Variants in HDAC9 observed in about 807,000 individuals in gnomAD.
HDAC9 encodes histone deacetylase 9.
Under a neutral mutation model 139.4 loss-of-function variants are expected in HDAC9, and 41 were observed. That is an observed-to-expected ratio of 0.29 (90% CI 0.23 to 0.38). The LOEUF (loss-of-function observed/expected upper bound fraction) is 0.38, where lower values mean the gene tolerates loss of function less well. Among genes scored for constraint, HDAC9 ranks in the 10% least tolerant of loss-of-function variants. The pLI is 1.00. For synonymous variants in HDAC9, 517 were observed against 476.2 expected, an observed-to-expected ratio of 1.09 and a Z score of -1.12; for missense variants, 1,147 against 1,297.0, an observed-to-expected ratio of 0.88 and a Z score of 1.78.
chr7:18,183,768 G>A (rs1251943969), intron 2 of HDAC9, among the ~76,000 whole-genome samples: 1 of 152,038 alleles, frequency 6.6e-6, no homozygotes, highest in Non-Finnish European at 1.5e-5. Flanking sequence ...TACAGACATG[G>A]GCCATCACAC....
At chr7:18,644,378 T>C (rs527858403) in intron 8 of HDAC9, among the ~76,000 whole-genome samples, 49 of 152,250 alleles carry the variant, frequency 3.2e-4, no homozygotes, top group African/African-American at 1.2e-3. Context: ...ATTTTATCAT[T>C]GTACTTTATC....
chr7:18,647,104 A>G (rs1787657398), intron 9 of HDAC9, among the ~76,000 whole-genome samples: 1 of 152,146 alleles, frequency 6.6e-6, no homozygotes, highest in Non-Finnish European at 1.5e-5. Context: ...TTTTGCTTGC[A>G]ACTCCAAAAT....
intron 2 of HDAC9, among the ~76,000 whole-genome samples, chr7:18,550,406 C>A (rs1330506484): frequency 6.6e-6 from 1 of 152,094 alleles, no homozygotes; most frequent in Non-Finnish European, 1.5e-5. Context: ...TAGTATGTGG[C>A]AGGTGTTAGT....
chr7:18,972,681 T>G (rs1470674141), intron 24 of HDAC9, among the ~76,000 whole-genome samples: 1 of 152,200 alleles, frequency 6.6e-6, no homozygotes, highest in East Asian at 1.9e-4. Context: ...ACACCCAGCC[T>G]TTGATGAGGT....
intron 1 of HDAC9, among the ~76,000 whole-genome samples, chr7:18,316,495 C>G (rs948935290): frequency 4.1e-4 from 63 of 152,024 alleles, no homozygotes; most frequent in African/African-American, 1.4e-3. Flanking sequence ...GAATAAGATT[C>G]CATTAAAAAT....
intron 25 of HDAC9, among the ~76,000 whole-genome samples, chr7:18,985,578 T>C (rs1375531856): frequency 6.6e-6 from 1 of 150,774 alleles, no homozygotes; most frequent in African/African-American, 2.4e-5. Flanking sequence ...CCTTTGGGTA[T>C]ATACCCAGTA....
chr7:18,886,490 A>G (rs2129263374), intron 22 of HDAC9, among the ~76,000 whole-genome samples: 1 of 152,316 alleles, frequency 6.6e-6, no homozygotes, highest in South Asian at 2.1e-4. Flanking sequence ...CTGAAATTGG[A>G]ATGTCTCTCA....
rs528014720 is a variant in HDAC9, at chr7:18,180,651, C to G, written c.25+18302C>G. Among the ~76,000 whole-genome samples the G allele has an allele frequency of 9.8e-5, 15 of 152,308 alleles. No individual in the cohort carries two copies. In the South Asian group the frequency reaches 2.5e-3, roughly 25 times the overall value. ...TGTTGGAAACCCCAATCTGCCCTAA[C>G]TAACTTTGGGCCTTTGAGAACAAGT... On this transcript the variant is annotated intron_variant, in intron 2 of 12. Transcript: ENST00000417496.
At chr7:18,960,475 A>C (rs1039364923) in intron 24 of HDAC9, among the ~76,000 whole-genome samples, 2 of 152,128 alleles carry the variant, frequency 1.3e-5, no homozygotes, top group African/African-American at 4.8e-5. Flanking sequence ...AACTGGTCTT[A>C]GAAGTAACAA....
chr7:18,479,867 G>C (rs927748507), intron 1 of HDAC9, among the ~76,000 whole-genome samples: 5 of 151,792 alleles, frequency 3.3e-5, no homozygotes, highest in Admixed American at 2.0e-4. Flanking sequence ...TGAAGTGTGA[G>C]AGTAGGCCTG....
intron 1 of HDAC9, among the ~76,000 whole-genome samples, chr7:18,399,428 T>TCCTCTC (rs1787338679): frequency 6.6e-6 from 1 of 152,122 alleles, no homozygotes; most frequent in South Asian, 2.1e-4. Context: ...AGAACTAAAT[T>TCCTCTC]GTATGGAGGT....
At chr7:18,164,670 T>C (rs1384426088) in intron 2 of HDAC9, among the ~76,000 whole-genome samples, 1 of 152,238 alleles carries the variant, frequency 6.6e-6, no homozygotes, top group Non-Finnish European at 1.5e-5. Flanking sequence ...TCTCCATCCA[T>C]ATTCAAATAT....
chr7:18,419,726 C>T (rs561175649), intron 1 of HDAC9, among the ~76,000 whole-genome samples: 10 of 152,168 alleles, frequency 6.6e-5, no homozygotes, highest in Admixed American at 4.6e-4. Flanking sequence ...AAGTGTGACC[C>T]ATTTTTTTTT....
At chr7:18,525,146 C>T (rs1806408716) in intron 2 of HDAC9, among the ~76,000 whole-genome samples, 2 of 151,822 alleles carry the variant, frequency 1.3e-5, no homozygotes, top group South Asian at 4.1e-4. Context: ...TAATGTGTTT[C>T]CTCAGTTGCT....
intron 2 of HDAC9, among the ~76,000 whole-genome samples, chr7:18,186,607 T>C (rs913131499): frequency 4.6e-5 from 7 of 152,114 alleles, no homozygotes; most frequent in Non-Finnish European, 8.8e-5. Flanking sequence ...ATGTCAGGAG[T>C]GGGAAGCCAG....
chr7:18,231,984 A>C (rs1011135183), intron 2 of HDAC9, among the ~76,000 whole-genome samples: 1 of 152,228 alleles, frequency 6.6e-6, no homozygotes, highest in African/African-American at 2.4e-5. Context: ...TTGTTGTAAT[A>C]TTAAATGGGA....
In HDAC9 at chr7:18,731,151, A is replaced by G. The variant is rs189779113; in HGVS notation, c.1909+3394A>G. 5.6e-3 allele frequency among the ~76,000 whole-genome samples: 852 copies of G among 152,276 alleles called. 4 individuals carry two copies. Among genetic ancestry groups the G allele is most frequent in the South Asian group, 0.01 (50 of 4,826 alleles). On this transcript the variant is annotated intron_variant, in intron 13 of 25. Coordinates refer to ENST00000686413, the MANE Select transcript of HDAC9 (RefSeq NM_178425.4). ...GAATTTGGTTGTTATATAATTGTGT[A>G]TTTCTGGAATTTTCCAGTTAATATT...
intron 1 of HDAC9, among the ~76,000 whole-genome samples, chr7:18,126,541 G>A (rs1478453254): frequency 6.6e-6 from 1 of 152,166 alleles, no homozygotes; most frequent in Non-Finnish European, 1.5e-5. Flanking sequence ...TTCAAAAGCA[G>A]ATTAATTATT....
intron 1 of HDAC9, among the ~76,000 whole-genome samples, chr7:18,423,504 G>A (rs777829022): frequency 3.3e-5 from 5 of 152,172 alleles, no homozygotes; most frequent in Non-Finnish European, 7.3e-5. Context: ...TTTTCTATAG[G>A]TCTGTAAAAT....
Sources: allele counts gnomAD v4.1 joint callset (sites outside exome capture counted in the v4.1 genomes callset), GRCh38; gene constraint gnomAD v4.1.1; transcripts MANE v1.5; gene names NCBI Gene and HGNC (gene_info 2026-07-23, HGNC 2026-07-21).